The following RBFOX1 variants were observed in gnomAD, a reference collection of about 807,000 sequenced individuals.
The protein encoded by RBFOX1 is RNA binding fox-1 homolog 1, also known as RNA binding protein fox-1 homolog 1.
A neutral mutation model predicts 57.7 loss-of-function variants in RBFOX1; 8 were observed. The ratio of observed to expected loss-of-function variants is 0.14; its 90% CI spans 0.08 to 0.25. RBFOX1 has a LOEUF of 0.25. Among genes scored for constraint, RBFOX1 ranks in the 10% least tolerant of loss-of-function variants. The pLI is 1.00. For missense variants in RBFOX1, 611 were observed against 548.5 expected, an observed-to-expected ratio of 1.11 and a Z score of -1.14; for synonymous variants, 326 against 222.4, an observed-to-expected ratio of 1.47 and a Z score of -4.15.
In RBFOX1 at chr16:7,104,156, G is replaced by A. The variant is rs565501645; in HGVS notation, c.27+52058G>A. Among the ~76,000 whole-genome samples the A allele has an allele frequency of 2.0e-5, 3 of 152,264 alleles. No homozygotes were observed. The East Asian group carries it at 5.8e-4, about 29-fold the overall frequency. On this transcript the variant is annotated intron_variant, in intron 4 of 15. Coordinates refer to ENST00000550418, the MANE Select transcript of RBFOX1 (RefSeq NM_018723.4). ...TGTATGGAAATTAAGGCCAAGATAA[G>A]TAATAACAAAGTAGCATTGATTTGT... is the stretch of plus-strand genomic sequence containing the variant.
At chr16:5,906,842 C>G (rs1305088138) in intron 4 of RBFOX1, among the ~76,000 whole-genome samples, 2 of 139,506 alleles carry the variant, frequency 1.4e-5, no homozygotes, top group South Asian at 4.8e-4. Context: ...TCAAGCAATT[C>G]TCTTGCCTCA....
At chr16:5,486,349 G>T (rs1279517102) in intron 2 of RBFOX1, among the ~76,000 whole-genome samples, 2 of 152,194 alleles carry the variant, frequency 1.3e-5, no homozygotes, top group African/African-American at 4.8e-5. Context: ...CTGAAGTTCA[G>T]CTTGGATGTC....
chr16:5,591,621 T>G (rs1567269279), intron 2 of RBFOX1, among the ~76,000 whole-genome samples: 1 of 152,326 alleles, frequency 6.6e-6, no homozygotes, highest in South Asian at 2.1e-4. Flanking sequence ...ATACTAGAAA[T>G]GCCTATATTC....
intron 1 of RBFOX1, among the ~76,000 whole-genome samples, chr16:6,142,897 T>A (rs184500986): frequency 2.6e-5 from 4 of 152,346 alleles, no homozygotes; most frequent in Admixed American, 2.6e-4. Flanking sequence ...CCTGATGTTC[T>A]CTGACTGCAA....
At chr16:6,924,620 G>T (rs117943286) in intron 3 of RBFOX1, among the ~76,000 whole-genome samples, 1 of 151,878 alleles carries the variant, frequency 6.6e-6, no homozygotes, top group Admixed American at 6.6e-5. Context: ...ATAATGAGGT[G>T]CAAGTACCTA....
At chr16:6,455,107 A>T (rs1165133654) in intron 2 of RBFOX1, among the ~76,000 whole-genome samples, 6 of 148,766 alleles carry the variant, frequency 4.0e-5, no homozygotes, top group African/African-American at 1.2e-4. Context: ...GTTAGCCAGG[A>T]TGGTCTCAAT....
At chr16:6,270,596 T>C (rs768697150) in intron 1 of RBFOX1, among the ~76,000 whole-genome samples, 1 of 152,124 alleles carries the variant, frequency 6.6e-6, no homozygotes, top group South Asian at 2.1e-4. Flanking sequence ...GAAAGAAATA[T>C]ATAACTCAAA....
intron 3 of RBFOX1, among the ~76,000 whole-genome samples, chr16:5,627,340 C>T (rs1283713411): frequency 6.6e-6 from 1 of 152,032 alleles, no homozygotes; most frequent in Non-Finnish European, 1.5e-5. Context: ...ATGAAACAGT[C>T]TGGTAGAATT....
rs778819331 is a variant in RBFOX1, at chr16:7,711,260, C to G, written c.*515C>G. The G allele has an allele frequency of 6.6e-6, 1 of 151,984 alleles. No individual in the cohort carries two copies. The highest frequency in any genetic ancestry group is 2.4e-5 in the African/African-American group (1 of 41,238). 9.4% of individuals were successfully genotyped at this position (151,984 alleles called of 1,614,324 possible). On this transcript the variant is annotated 3_prime_UTR_variant, in exon 16 of 16. Coordinates refer to ENST00000550418, the MANE Select transcript of RBFOX1 (RefSeq NM_018723.4). ...AAAAAATGTAACTGATGAATCTAAACGACCCACTGCACCAACAATCATTTA... is the reference window on the plus strand; with the variant it reads ...AAAAAATGTAACTGATGAATCTAAAGGACCCACTGCACCAACAATCATTTA...
intron 14 of RBFOX1, among the ~76,000 whole-genome samples, chr16:7,699,314 C>A (rs1457446408): frequency 6.6e-6 from 1 of 152,150 alleles, no homozygotes; most frequent in Admixed American, 6.5e-5. Context: ...ACTTCACCCT[C>A]CCTAGTAGCT....
At chr16:7,460,255 T>C (rs1046710779) in intron 4 of RBFOX1, among the ~76,000 whole-genome samples, 1 of 151,314 alleles carries the variant, frequency 6.6e-6, no homozygotes, top group Non-Finnish European at 1.5e-5. Flanking sequence ...ACAAAAAATA[T>C]CCCTGTTTAA....
intron 4 of RBFOX1, among the ~76,000 whole-genome samples, chr16:7,292,385 CAT>C (rs1286596049): frequency 7.4e-6 from 1 of 135,468 alleles, no homozygotes; most frequent in Non-Finnish European, 1.5e-5. Context: ...ATATGATATA[CAT>C]GATATATAAT....
intron 3 of RBFOX1, among the ~76,000 whole-genome samples, chr16:6,934,654 T>C (rs1016491218): frequency 6.6e-6 from 1 of 152,174 alleles, no homozygotes; most frequent in African/African-American, 2.4e-5. Context: ...GAAAGACAAG[T>C]ACCATATTCT....
chr16:5,578,841 A>AAC (rs2046559667), intron 2 of RBFOX1, among the ~76,000 whole-genome samples: 1 of 89,668 alleles, frequency 1.1e-5, no homozygotes, highest in Non-Finnish European at 2.3e-5. Context: ...ACACACACAC[A>AAC]CCCTTTTTTT....
chr16:6,962,727 A>T (rs1321176000), intron 3 of RBFOX1, among the ~76,000 whole-genome samples: 3 of 152,132 alleles, frequency 2.0e-5, no homozygotes, highest in African/African-American at 4.8e-5. Flanking sequence ...AGTCAGGAGC[A>T]GTAGCATGTG....
At chr16:6,375,496 G>A (rs931181477) in intron 2 of RBFOX1, among the ~76,000 whole-genome samples, 10 of 151,720 alleles carry the variant, frequency 6.6e-5, no homozygotes, top group Non-Finnish European at 1.2e-4. Flanking sequence ...GCAGATGATC[G>A]TTTCTGGGCA....
intron 2 of RBFOX1, among the ~76,000 whole-genome samples, chr16:5,566,035 T>G (rs1171970626): frequency 6.6e-6 from 1 of 152,174 alleles, no homozygotes; most frequent in Non-Finnish European, 1.5e-5. Context: ...CTCTTGGCTT[T>G]CATTCTCTTT....
intron 4 of RBFOX1, among the ~76,000 whole-genome samples, chr16:7,201,282 C>T (rs774809677): frequency 3.3e-5 from 5 of 152,036 alleles, no homozygotes; most frequent in Non-Finnish European, 5.9e-5. Context: ...AGAGAAACAA[C>T]GGAGAGCCAG....
intron 1 of RBFOX1, among the ~76,000 whole-genome samples, chr16:5,387,695 C>T (rs556132906): frequency 4.6e-5 from 7 of 152,226 alleles, no homozygotes; most frequent in East Asian, 1.9e-4. Context: ...AATGTTTCCC[C>T]GAAATAATGT....
Sources: allele counts gnomAD v4.1 joint callset (sites outside exome capture counted in the v4.1 genomes callset), GRCh38; gene constraint gnomAD v4.1.1; transcripts MANE v1.5; gene names NCBI Gene and HGNC (gene_info 2026-07-23, HGNC 2026-07-21).